STRA6: variants seen among roughly 807,000 people sequenced by gnomAD.
STRA6 encodes the protein receptor for retinol uptake STRA6.
STRA6 carries 48 observed loss-of-function variants against 83.6 expected under a neutral mutation model. The ratio of observed to expected loss-of-function variants is 0.57; its 90% confidence interval spans 0.46 to 0.73. STRA6 has a LOEUF of 0.73. Among genes scored for constraint, STRA6 ranks in the 30% least tolerant of loss-of-function variants. The pLI is 0.00. For missense variants in STRA6, 760 were observed against 838.8 expected, an observed-to-expected ratio of 0.91 and a Z score of 1.16; for synonymous variants, 353 against 362.3, an observed-to-expected ratio of 0.97 and a Z score of 0.29.
At chr15:74,189,497 A>T (rs933314926) in intron 11 of STRA6, among the ~76,000 whole-genome samples, 2 of 152,194 alleles carry the variant, frequency 1.3e-5, no homozygotes, top group African/African-American at 4.8e-5. Flanking sequence ...CATGCCTTCG[A>T]GCACCGTAAC....
chr15:74,209,281 G>T, upstream of STRA6: 1 of 1,321,924 alleles, frequency 7.6e-7, no homozygotes, highest in Non-Finnish European at 1.1e-6. Flanking sequence ...TCACCTCAGT[G>T]GAGAAGCCTG....
chr15:74,184,959 G>T, intron 13 of STRA6, 21 bp downstream of exon 13: 1 of 1,612,612 alleles, frequency 6.2e-7, no homozygotes, highest in Non-Finnish European at 8.5e-7. Flanking sequence ...GGCGCTGGGT[G>T]AGCCAGAGTC....
chr15:74,203,274 C>T, upstream of STRA6: 4 of 937,994 alleles, frequency 4.3e-6, no homozygotes, highest in Non-Finnish European at 5.1e-6. Flanking sequence ...GAAATTAGCT[C>T]TTTAAACACA....
Position 74,180,474 on chromosome 15 carries a change from C to A in STRA6, c.1841-231G>T, listed in dbSNP as rs551724447. 2.6e-5 allele frequency among the ~76,000 whole-genome samples: 4 copies of A among 152,282 alleles called. No homozygotes were observed. In the South Asian group the frequency reaches 8.3e-4, roughly 32 times the overall value. ...TAGTGTCCCCTCCCTACACACACTT[C>A]TGGGCAGAAGGAAAGGAGGAGTCAT... On this transcript the variant is annotated intron_variant, in intron 18 of 18. Coordinates refer to ENST00000395105, the MANE Select transcript of STRA6 (RefSeq NM_022369.4).
chr15:74,203,198 C>G, upstream of STRA6: 2 of 977,804 alleles, frequency 2.0e-6, no homozygotes, highest in Non-Finnish European at 2.4e-6. Context: ...ACATGTGTCT[C>G]ATTGGTAAAC....
intron 4 of STRA6, among the ~76,000 whole-genome samples, chr15:74,197,038 C>T (rs1956414045): frequency 6.6e-6 from 1 of 152,206 alleles, no homozygotes; most frequent in African/African-American, 2.4e-5. Context: ...TCAATCCACA[C>T]ATGGAGGGCT....
At chr15:74,208,123 G>C in intron 1 of STRA6, 1 of 1,052,230 alleles carries the variant, frequency 9.5e-7, no homozygotes, top group Non-Finnish European at 1.2e-6. Flanking sequence ...GTAGCCGGCT[G>C]TGCCAGGGGA....
chr15:74,192,522 C>T (rs2073598277), intron 8 of STRA6, among the ~76,000 whole-genome samples: 1 of 152,168 alleles, frequency 6.6e-6, no homozygotes. Flanking sequence ...TTCAGTCTGA[C>T]CTTGCCGAGT....
At chr15:74,186,184 A>G (rs918171573) in intron 12 of STRA6, among the ~76,000 whole-genome samples, 5 of 152,240 alleles carry the variant, frequency 3.3e-5, no homozygotes, top group African/African-American at 1.2e-4. Flanking sequence ...CTGGTGATTC[A>G]GTGTGCAGTC....
intron 1 of STRA6, 187 bp downstream of exon 1, chr15:74,202,526 G>GAGATA: frequency 3.3e-6 from 5 of 1,506,190 alleles, no homozygotes; most frequent in Non-Finnish European, 4.4e-6. Context: ...CCATCGCACT[G>GAGATA]GTCCTGCAGA....
In STRA6 at chr15:74,193,816, G is replaced by T. The variant is rs895729231; in HGVS notation, c.704C>A (p.Thr235Lys). The T allele has an allele frequency of 1.9e-6, 3 of 1,613,928 alleles. No individual in the cohort carries two copies. Among genetic ancestry groups the T allele is most frequent in the Non-Finnish European group, 2.5e-6 (3 of 1,179,844 alleles). The change falls in exon 8 of 19, where the codon ACA (threonine) becomes AAA (lysine). Residue 235 changes from threonine to lysine, a missense_variant. By Grantham distance (78) the Thr-to-Lys change is moderately conservative. Coordinates refer to ENST00000395105, the MANE Select transcript of STRA6 (RefSeq NM_022369.4). ...VQLVRSFSRR[T>K]GAGSKGLQSS... ...CCCCTTTACCTTGGAGCCTGCTCCT[G>T]TCCTACGGCTGAAGCTTCTCACCAG...
At chr15:74,204,518 G>A (rs530125516), upstream of STRA6, among the ~76,000 whole-genome samples, 1 of 152,358 alleles carries the variant, frequency 6.6e-6, no homozygotes, top group South Asian at 2.1e-4. Flanking sequence ...ACCTTAGGGA[G>A]CAGCCAACTC....
chr15:74,185,777 C>T (rs1337351724), intron 12 of STRA6, among the ~76,000 whole-genome samples: 1 of 152,248 alleles, frequency 6.6e-6, no homozygotes, highest in Non-Finnish European at 1.5e-5. Context: ...GACAGAAGAA[C>T]TGTTCCCACT....
At chr15:74,185,161 C>A in intron 12 of STRA6, 106 bp from the exon 13 acceptor site, 2 of 1,089,866 alleles carry the variant, frequency 1.8e-6, no homozygotes, top group Admixed American at 2.0e-5. Flanking sequence ...TCCCCCTGCC[C>A]CAAACTGAAC....
intron 1 of STRA6, chr15:74,208,788 G>A (rs1225309011): frequency 3.0e-6 from 3 of 988,390 alleles, no homozygotes; most frequent in Non-Finnish European, 3.6e-6. Context: ...CCCAGACTTG[G>A]CTCCAGCCTA....
intron 4 of STRA6, 129 bp downstream of exon 4, chr15:74,197,209 G>C: frequency 5.8e-6 from 4 of 687,972 alleles, no homozygotes; most frequent in South Asian, 5.3e-5. Context: ...GAAAGCTCCA[G>C]GCTGAGGGCG....
chr15:74,183,848 A>G lies in STRA6; in HGVS notation c.1300+8T>C, dbSNP rs2073111201. ...CAAGGCTGGGTGTGGCGGGCAAGGG[A>G]GGCTCACCAAGGCAGATAAAGGCTG... On this transcript the variant is annotated splice_region_variant and intron_variant, in intron 14 of 18. Coordinates refer to ENST00000395105, the MANE Select transcript of STRA6 (RefSeq NM_022369.4). The G allele has an allele frequency of 1.2e-6, 2 of 1,613,602 alleles. No homozygotes were observed. The highest frequency in any genetic ancestry group is 1.7e-4 in the Middle Eastern group (1 of 6,020).
At chr15:74,202,896 A>G, upstream of STRA6, 3 of 993,516 alleles carry the variant, frequency 3.0e-6, no homozygotes, top group Non-Finnish European at 3.6e-6. Context: ...ATCCTTGACA[A>G]AGCCCCCCTC....
chr15:74,206,271 G>C (rs535353106), upstream of STRA6, among the ~76,000 whole-genome samples: 1 of 152,210 alleles, frequency 6.6e-6, no homozygotes, highest in Non-Finnish European at 1.5e-5. Flanking sequence ...GGCAGGCTGG[G>C]TTGAAGATCC....
Sources: gnomAD v4.1 joint callset for allele counts (sites outside exome capture counted in the v4.1 genomes callset) on GRCh38, gnomAD v4.1.1 for gene constraint, MANE v1.5 for transcripts, NCBI Gene and HGNC (gene_info 2026-07-23, HGNC 2026-07-21) for gene names.